MSRB3: variants seen among roughly 807,000 people sequenced by gnomAD.
MSRB3 encodes methionine-R-sulfoxide reductase B3.
MSRB3 carries 13 observed loss-of-function variants against 21.0 expected under a neutral mutation model. The ratio of observed to expected loss-of-function variants is 0.62; its 90% CI spans 0.40 to 0.98. The LOEUF is 0.98. Among genes scored for constraint, MSRB3 ranks in the 50% least tolerant of loss-of-function variants. MSRB3 has a pLI of 0.00. For missense variants in MSRB3, 199 were observed against 230.3 expected (o/e 0.86, Z 0.88); for synonymous variants, 87 against 88.6 (o/e 0.98, Z 0.10).
At chr12:65,319,625 A>T (rs1275103786) in intron 2 of MSRB3, among the ~76,000 whole-genome samples, 3 of 152,084 alleles carry the variant, frequency 2.0e-5, no homozygotes, top group Admixed American at 6.6e-5. Context: ...ACACTACCTT[A>T]TTTATTTTTA....
intron 5 of MSRB3, among the ~76,000 whole-genome samples, chr12:65,377,107 G>C (rs1170169669): frequency 6.6e-6 from 1 of 152,148 alleles, no homozygotes; most frequent in Non-Finnish European, 1.5e-5. Flanking sequence ...TCAATTAAAT[G>C]TAGCCTTCCT....
intron 1 of MSRB3, among the ~76,000 whole-genome samples, chr12:65,300,345 G>A (rs887338588): frequency 3.2e-4 from 49 of 152,142 alleles, no homozygotes; most frequent in African/African-American, 9.9e-4. Context: ...GAGGGCAGCC[G>A]TATCTTCTGA....
chr12:65,419,667 C>A, intron 5 of MSRB3: 1 of 721,518 alleles, frequency 1.4e-6, no homozygotes, highest in South Asian at 1.4e-5. Context: ...GGGGTCCTGT[C>A]TTCTCCAGGT....
intron 4 of MSRB3, among the ~76,000 whole-genome samples, chr12:65,347,066 G>A (rs2136484694): frequency 6.6e-6 from 1 of 152,256 alleles, no homozygotes; most frequent in East Asian, 1.9e-4. Flanking sequence ...TTGGCAATGT[G>A]GGCTCTGTTT....
chr12:65,434,501 A>G (rs751838864), intron 5 of MSRB3, among the ~76,000 whole-genome samples: 6 of 151,924 alleles, frequency 3.9e-5, no homozygotes, highest in Non-Finnish European at 8.8e-5. Context: ...TGTCATAGCC[A>G]TTCAGAAATA....
intron 5 of MSRB3, among the ~76,000 whole-genome samples, chr12:65,394,007 AAGG>A (rs1237724114): frequency 6.6e-6 from 1 of 152,120 alleles, no homozygotes; most frequent in African/African-American, 2.4e-5. Flanking sequence ...ATAAATAAGT[AAGG>A]TAAATTACTC....
chr12:65,340,006 C>G (rs1876033638), intron 4 of MSRB3, among the ~76,000 whole-genome samples: 1 of 152,076 alleles, frequency 6.6e-6, no homozygotes, highest in Admixed American at 6.5e-5. Flanking sequence ...ACCAGGCATA[C>G]CAAAGTACAG....
chr12:65,430,447 T>C (rs980911680), intron 5 of MSRB3, among the ~76,000 whole-genome samples: 3 of 152,184 alleles, frequency 2.0e-5, no homozygotes, highest in Non-Finnish European at 4.4e-5. Flanking sequence ...TTGCTTGCTG[T>C]ATTTTTACAG....
intron 4 of MSRB3, among the ~76,000 whole-genome samples, chr12:65,361,627 A>G (rs1877712747): frequency 6.6e-6 from 1 of 152,168 alleles, no homozygotes; most frequent in Non-Finnish European, 1.5e-5. Context: ...TAATGAATTT[A>G]GACTTCTTCT....
At chr12:65,319,715 G>A (rs553170129) in intron 2 of MSRB3, among the ~76,000 whole-genome samples, 3 of 152,062 alleles carry the variant, frequency 2.0e-5, no homozygotes, top group Admixed American at 2.0e-4. Flanking sequence ...TTAATATTAG[G>A]CTCAACAGTT....
At chr12:65,367,718 G>C (rs1878091609) in intron 4 of MSRB3, among the ~76,000 whole-genome samples, 1 of 152,158 alleles carries the variant, frequency 6.6e-6, no homozygotes, top group African/African-American at 2.4e-5. Context: ...ATGTGAAAAT[G>C]GGTTTGTACC....
chr12:65,449,284 C>T (rs1281853006), intron 5 of MSRB3, among the ~76,000 whole-genome samples: 4 of 151,822 alleles, frequency 2.6e-5, no homozygotes, highest in Middle Eastern at 3.4e-3. Flanking sequence ...TGATCCACCC[C>T]CCCAGAGTGA....
At chr12:65,428,139 T>A (rs1881696809) in intron 5 of MSRB3, among the ~76,000 whole-genome samples, 1 of 152,124 alleles carries the variant, frequency 6.6e-6, no homozygotes, top group Non-Finnish European at 1.5e-5. Flanking sequence ...AATGGTTTGT[T>A]ATTTCAGTGG....
At chr12:65,280,707 C>G (rs1245435669) in intron 1 of MSRB3, among the ~76,000 whole-genome samples, 1 of 152,128 alleles carries the variant, frequency 6.6e-6, no homozygotes, top group Non-Finnish European at 1.5e-5. Flanking sequence ...TGTCACAGTG[C>G]TTAAACTGCT....
intron 1 of MSRB3, chr12:65,279,233 G>A (rs923183735): frequency 3.3e-5 from 11 of 337,126 alleles, no homozygotes; most frequent in Middle Eastern, 1.1e-3. Context: ...GGCAGGGGAG[G>A]GGTCCATCCC....
intron 2 of MSRB3, among the ~76,000 whole-genome samples, chr12:65,317,838 C>T (rs1028468422): frequency 9.2e-5 from 14 of 152,060 alleles, no homozygotes; most frequent in African/African-American, 3.4e-4. Flanking sequence ...TAGCCAAGAT[C>T]ATTATTTAGA....
chr12:65,418,800 G>A, intron 5 of MSRB3: 4 of 950,920 alleles, frequency 4.2e-6, no homozygotes, highest in Non-Finnish European at 6.7e-6. Context: ...TGGTCTTTTG[G>A]ATGGTTTGCA....
At chr12:65,421,963 G>C (rs1478602303) in intron 5 of MSRB3, among the ~76,000 whole-genome samples, 1 of 152,060 alleles carries the variant, frequency 6.6e-6, no homozygotes, top group Non-Finnish European at 1.5e-5. Flanking sequence ...AAGACTCAAT[G>C]GTATGCTTTC....
At chr12:65,355,191 G>T (rs1030588911) in intron 4 of MSRB3, among the ~76,000 whole-genome samples, 1 of 151,770 alleles carries the variant, frequency 6.6e-6, no homozygotes, top group Non-Finnish European at 1.5e-5. Context: ...ATTAATAATT[G>T]TCAATCTATG....
Sources: allele counts gnomAD v4.1 joint callset (sites outside exome capture counted in the v4.1 genomes callset), GRCh38; gene constraint gnomAD v4.1.1; transcripts MANE v1.5; gene names NCBI Gene and HGNC (gene_info 2026-07-23, HGNC 2026-07-21).